Variants in RAB40B observed in about 807,000 individuals in gnomAD.
RAB40B encodes ras-related protein Rab-40B.
In RAB40B, 21 loss-of-function variants were observed where a neutral mutation model predicts 24.0. The observed-to-expected ratio is 0.88, with a 90% CI of 0.62 to 1.26. The LOEUF is 1.26. Among genes scored for constraint, RAB40B ranks in the 50% most tolerant of loss-of-function variants. The pLI, the probability that RAB40B is intolerant of heterozygous loss-of-function variation, is 0.00. For synonymous variants in RAB40B, 167 were observed against 169.8 expected (o/e 0.98, Z 0.13); for missense variants, 348 against 390.5 (o/e 0.89, Z 0.92).
intron 1 of RAB40B, among the ~76,000 whole-genome samples, chr17:82,691,881 G>A (rs1190931117): frequency 1.3e-5 from 2 of 152,074 alleles, no homozygotes; most frequent in African/African-American, 2.4e-5. Context: ...GGGAAAGAGC[G>A]TGAACCGGGG....
rs113428242 is a variant in RAB40B, at chr17:82,674,048, C to T, written c.143-9492G>A. Among the ~76,000 whole-genome samples the T allele has an allele frequency of 8.4e-3, 1,284 of 152,260 alleles. 18 individuals are homozygous for T. The highest frequency in any genetic ancestry group is 0.028 in the African/African-American group (1,165 of 41,560). On this transcript the variant is annotated intron_variant, in intron 1 of 5. Transcript: ENST00000571995. ...TATCAACACTGGACAAACTAGAAAA[C>T]GCAACAACCTGGCCAGGCGCGGTGG...
intron 1 of RAB40B, among the ~76,000 whole-genome samples, chr17:82,678,574 G>A (rs1358739070): frequency 2.6e-5 from 4 of 152,298 alleles, no homozygotes; most frequent in African/African-American, 9.6e-5. Context: ...CACAAGCGAG[G>A]ATCTGTTGAT....
At chr17:82,698,431 G>GCGCCCTCCGCCC (rs2046635702) in intron 1 of RAB40B, 24 bp downstream of exon 1, 1 of 1,072,228 alleles carries the variant, frequency 9.3e-7, no homozygotes, top group African/African-American at 2.3e-5. Context: ...CCCGCACCCC[G>GCGCCCTCCGCCC]GCACGCCCTC....
rs187704142 is a variant in RAB40B, at chr17:82,695,857, A to T, written c.142+2598T>A. ...AGTTTTTTCTACAGCAGCTCAGGCC[A>T]AGTAGACAATAAAGCTCTTGATGGG... On this transcript the variant is annotated intron_variant, in intron 1 of 5. Transcript: ENST00000571995. Among the ~76,000 whole-genome samples the T allele has an allele frequency of 1.7e-4, 26 of 152,272 alleles. No individual in the cohort carries two copies. In the East Asian group the frequency reaches 4.6e-3, roughly 27 times the overall value.
Position 82,657,771 on chromosome 17 carries a change from G to A in RAB40B, c.*92C>T, listed in dbSNP as rs2046101376. 1 of 1,447,470 alleles carries A rather than the reference G, an allele frequency of 6.9e-7. No homozygotes were observed. 89.7% of individuals were successfully genotyped at this position (1,447,470 alleles called of 1,614,324 possible). A position where few individuals can be genotyped will look rare whatever the true frequency, so the allele number is the denominator to read the frequency against. On this transcript the variant is annotated 3_prime_UTR_variant, in exon 6 of 6. Coordinates refer to ENST00000571995, the MANE Select transcript of RAB40B (RefSeq NM_006822.3). ...CATTCGCAAGCAGCATTCGCCGAGA[G>A]GAACCGGGATCTGAGATGCATCCAC...
intron 2 of RAB40B, chr17:82,662,682 C>G: frequency 1.0e-6 from 1 of 985,306 alleles, no homozygotes; most frequent in Non-Finnish European, 1.2e-6. Flanking sequence ...AGAGCAGCCT[C>G]AGGGTCCTGC....
chr17:82,659,626 C>G lies in RAB40B; in HGVS notation c.296G>C (p.Arg99Pro). 6.2e-7 allele frequency: 1 copy of G among 1,614,138 alleles called. No homozygotes were observed. The highest frequency in any genetic ancestry group is 8.5e-7 in the Non-Finnish European group (1 of 1,180,022). The change falls in exon 4 of 6, where the codon CGC (arginine) becomes CCC (proline). Residue 99 changes from arginine to proline, a missense_variant. By Grantham distance (103) the Arg-to-Pro change is moderately radical (BLOSUM62 -2). Around this residue, in one of 3 missense-constraint regions of RAB40B, gnomAD observed 126 missense variants for 181.0 expected, o/e 0.70. Transcript: ENST00000571995. ...GVILVYDIANRWSFDGIDRWI... is the reference protein window; with the variant it reads ...GVILVYDIANPWSFDGIDRWI... Reference sequence around the variant, plus strand: ...TCGATCAATGCCGTCAAAAGACCAGCGGTTCGCAATGTCATAGACCAGGAT... The same window carrying G: ...TCGATCAATGCCGTCAAAAGACCAGGGGTTCGCAATGTCATAGACCAGGAT...
intron 1 of RAB40B, among the ~76,000 whole-genome samples, chr17:82,684,036 C>G (rs1161715842): frequency 6.6e-6 from 1 of 151,728 alleles, no homozygotes; most frequent in African/African-American, 2.4e-5. Context: ...GCCTGGCCAA[C>G]ATGGTGAAAC....
At chr17:82,671,511 C>T (rs60867757) in intron 1 of RAB40B, among the ~76,000 whole-genome samples, 128 of 27,994 alleles carry the variant, frequency 4.6e-3, no homozygotes, top group African/African-American at 8.1e-3. Context: ...CTGACACACC[C>T]CACCCCTGTA....
At chr17:82,691,443 C>T (rs1465141232) in intron 1 of RAB40B, among the ~76,000 whole-genome samples, 2 of 151,954 alleles carry the variant, frequency 1.3e-5, no homozygotes, top group East Asian at 3.9e-4. Flanking sequence ...CCCAGCTACT[C>T]GGGAGGCCCA....
intron 1 of RAB40B, among the ~76,000 whole-genome samples, chr17:82,684,698 G>A (rs970033107): frequency 2.0e-5 from 3 of 152,344 alleles, no homozygotes; most frequent in Non-Finnish European, 2.9e-5. Flanking sequence ...ATGCAGGCAC[G>A]TTGGAGGCTG....
At chr17:82,671,450 C>T (rs1036693369) in intron 1 of RAB40B, among the ~76,000 whole-genome samples, 4 of 139,706 alleles carry the variant, frequency 2.9e-5, no homozygotes, top group Admixed American at 1.4e-4. Flanking sequence ...TACTAACTGA[C>T]ACACCCCACC....
intron 1 of RAB40B, among the ~76,000 whole-genome samples, chr17:82,693,717 A>G (rs962239324): frequency 2.0e-5 from 3 of 152,172 alleles, no homozygotes; most frequent in African/African-American, 7.2e-5. Context: ...CACCATGAGA[A>G]TTAACACCCC....
In RAB40B at chr17:82,688,337, G is replaced by A. The variant is rs1024045958; in HGVS notation, c.142+10118C>T. On this transcript the variant is annotated intron_variant, in intron 1 of 5. Coordinates refer to ENST00000571995, the MANE Select transcript of RAB40B (RefSeq NM_006822.3). ...CCACTTTTAAAAATTGTTTTGGGCC[G>A]GGCACGGTAGCTCACGCCTGTAATC... Among the ~76,000 whole-genome samples the A allele has an allele frequency of 9.2e-5, 14 of 152,010 alleles. No homozygotes were observed. In the South Asian group the frequency reaches 2.1e-3, roughly 23 times the overall value.
chr17:82,698,669 A>G lies in RAB40B; in HGVS notation c.-73T>C, dbSNP rs2046639522. Reference sequence around the variant, plus strand: ...GCAGAGGCGGCGGCCCGGCCCCGAGAGGCGCCGCGCGGGCCCCGAGTCCTT... The same window carrying G: ...GCAGAGGCGGCGGCCCGGCCCCGAGGGGCGCCGCGCGGGCCCCGAGTCCTT... On this transcript the variant is annotated 5_prime_UTR_variant, in exon 1 of 6. Coordinates refer to ENST00000571995, the MANE Select transcript of RAB40B (RefSeq NM_006822.3). 7 of 1,120,964 alleles carry G rather than the reference A, an allele frequency of 6.2e-6. No individual in the cohort carries two copies. The highest frequency in any genetic ancestry group is 7.7e-6 in the Non-Finnish European group (7 of 905,470). The allele number at this position is 1,120,964 out of a possible 1,614,324, so 69.4% of individuals were successfully genotyped here. A position where few individuals can be genotyped will look rare whatever the true frequency, so the allele number is the denominator to read the frequency against.
chr17:82,663,835 C>G lies in RAB40B; in HGVS notation c.203+661G>C, dbSNP rs1366818490. Among the ~76,000 whole-genome samples the G allele has an allele frequency of 1.3e-5, 2 of 152,184 alleles. No individual in the cohort carries two copies. The highest frequency in any genetic ancestry group is 4.1e-4 in the South Asian group (2 of 4,822). ...GACACCAGGCCACAGGTTCTGATCC[C>G]AAAAGCCGATTCCCAGCCACAGCGC... On this transcript the variant is annotated intron_variant, in intron 2 of 5. Coordinates refer to ENST00000571995, the MANE Select transcript of RAB40B (RefSeq NM_006822.3). The surrounding 1 kb of genome is among the most constrained non-coding windows in gnomAD (Gnocchi z 6.2).
intron 1 of RAB40B, among the ~76,000 whole-genome samples, chr17:82,676,764 A>G (rs1307886641): frequency 1.3e-5 from 2 of 151,704 alleles, no homozygotes; most frequent in African/African-American, 4.8e-5. Flanking sequence ...AGCAGTTGGG[A>G]TTACAGATGC....
intron 1 of RAB40B, among the ~76,000 whole-genome samples, chr17:82,673,109 C>T (rs1224994170): frequency 2.6e-5 from 4 of 152,082 alleles, no homozygotes; most frequent in African/African-American, 9.7e-5. Context: ...GAGGCTGAGG[C>T]AGGAGAATCG....
Position 82,658,793 on chromosome 17 carries a change from C to T in RAB40B, c.343-80G>A, listed in dbSNP as rs545261195. 179 of 1,300,942 alleles carry T rather than the reference C, an allele frequency of 1.4e-4. No homozygotes were observed. The Middle Eastern group carries it at 3.5e-3, about 25-fold the overall frequency. 80.6% of individuals were successfully genotyped at this position (1,300,942 alleles called of 1,614,324 possible). On this transcript the variant is annotated intron_variant, in intron 4 of 5. Coordinates refer to ENST00000571995, the MANE Select transcript of RAB40B (RefSeq NM_006822.3). ...TCGTCGTAATGTGGGTGCTCTGGGT[C>T]GAGGAACCCCCCACGAGTTCATGTC...
Sources: allele counts gnomAD v4.1 joint callset (sites outside exome capture counted in the v4.1 genomes callset), GRCh38; gene constraint gnomAD v4.1.1; regional missense constraint gnomAD v4.1.1; non-coding constraint Gnocchi (gnomAD v3.1); transcripts MANE v1.5; gene names NCBI Gene and HGNC (gene_info 2026-07-23, HGNC 2026-07-21).